TRIM61: variants seen among roughly 807,000 people sequenced by gnomAD.
TRIM61 encodes the protein putative tripartite motif-containing protein 61.
Under a neutral mutation model 14.2 loss-of-function variants are expected in TRIM61, and 1 was observed. The ratio of observed to expected loss-of-function variants is 0.07; its 90% CI spans 0.03 to 0.33. The LOEUF (loss-of-function observed/expected upper bound fraction) is 0.33, where lower values mean the gene tolerates loss of function less well. TRIM61 is among the 10% of genes least tolerant of loss of function. TRIM61 has a pLI of 0.99. For missense variants in TRIM61, 19 were observed against 202.2 expected (o/e 0.09, Z 5.49); for synonymous variants, 8 against 71.6 (o/e 0.11, Z 4.49).
chr4:164,966,951 G>C (rs1732256922), intron 3 of TRIM61, among the ~76,000 whole-genome samples: 1 of 151,860 alleles, frequency 6.6e-6, no homozygotes, highest in Admixed American at 6.6e-5. Context: ...AATAAAAAGA[G>C]AAAAATGATC....
chr4:164,976,065 G>C (rs1191971567), intron 2 of TRIM61, among the ~76,000 whole-genome samples: 1 of 152,168 alleles, frequency 6.6e-6, no homozygotes. Flanking sequence ...TTACGTGCAC[G>C]TCCAGTCATA....
chr4:164,961,621 C>T (rs1342918794), intron 3 of TRIM61, among the ~76,000 whole-genome samples: 4 of 150,470 alleles, frequency 2.7e-5, no homozygotes, highest in Non-Finnish European at 5.9e-5. Flanking sequence ...AATTTAGTTA[C>T]AGACATGAAA....
intron 3 of TRIM61, chr4:164,957,686 G>A (rs1732044264): frequency 1.4e-6 from 1 of 690,676 alleles, no homozygotes; most frequent in Non-Finnish European, 2.3e-6. Context: ...TGCTTTATTC[G>A]GAAAATGAAT....
chr4:164,975,822 G>A (rs1323001223), intron 2 of TRIM61, among the ~76,000 whole-genome samples: 6 of 152,200 alleles, frequency 3.9e-5, no homozygotes, highest in Non-Finnish European at 8.8e-5. Flanking sequence ...CTGTGCTGAG[G>A]TGAATTAGTA....
Position 164,975,404 on chromosome 4 carries a change from G to T in TRIM61, c.-338+1284C>A, listed in dbSNP as rs187462968. On this transcript the variant is annotated intron_variant, in intron 2 of 4. Transcript: ENST00000329314. ...AAGAAAGAGATCAGACTGTCACTGT[G>T]TGTCTATGCAGAAAGGGAAGACGTA... 2.0e-5 allele frequency among the ~76,000 whole-genome samples: 3 copies of T among 152,270 alleles called. No individual in the cohort carries two copies. The East Asian group carries it at 5.8e-4, about 29-fold the overall frequency.
At chr4:164,969,001 A>G in intron 3 of TRIM61, 1 of 1,034,268 alleles carries the variant, frequency 9.7e-7, no homozygotes, top group Non-Finnish European at 1.2e-6. Context: ...CTGGGAGGAG[A>G]TAAAATCTTC....
intron 3 of TRIM61, among the ~76,000 whole-genome samples, chr4:164,966,909 A>G (rs1257491059): frequency 6.6e-6 from 1 of 152,118 alleles, no homozygotes; most frequent in Non-Finnish European, 1.5e-5. Flanking sequence ...TGTGGGTGAC[A>G]GAGCGAGACT....
intron 3 of TRIM61, among the ~76,000 whole-genome samples, chr4:164,956,509 T>A (rs1358139753): frequency 3.9e-5 from 6 of 152,254 alleles, no homozygotes; most frequent in Non-Finnish European, 5.9e-5. Context: ...CTCCTGCCAA[T>A]GGAGTAAATT....
chr4:164,972,008 G>T (rs1472374336), intron 2 of TRIM61, among the ~76,000 whole-genome samples: 3 of 152,116 alleles, frequency 2.0e-5, no homozygotes, highest in Non-Finnish European at 4.4e-5. Context: ...ATTCTCTTTA[G>T]ACTAGCAGAA....
At chr4:164,967,754 C>G (rs576300156) in intron 3 of TRIM61, among the ~76,000 whole-genome samples, 1 of 151,728 alleles carries the variant, frequency 6.6e-6, no homozygotes, top group Non-Finnish European at 1.5e-5. Flanking sequence ...AACCCCAGTG[C>G]TTTGGGAGGC....
At chr4:164,962,433 C>T (rs1313265258) in intron 3 of TRIM61, among the ~76,000 whole-genome samples, 1 of 150,184 alleles carries the variant, frequency 6.7e-6, no homozygotes, top group Non-Finnish European at 1.5e-5. Flanking sequence ...TTATTAGAGA[C>T]GGGGTTTCAC....
intron 3 of TRIM61, chr4:164,957,528 G>GGACATCT (rs1560882031): frequency 1.9e-6 from 3 of 1,567,348 alleles, no homozygotes; most frequent in South Asian, 2.4e-5. Context: ...AGCTCACAGG[G>GGACATCT]GACATCTGAC....
chr4:164,963,178 G>A (rs944972746), intron 3 of TRIM61, among the ~76,000 whole-genome samples: 8 of 151,898 alleles, frequency 5.3e-5, no homozygotes, highest in South Asian at 2.1e-4. Flanking sequence ...GGGCTGCCGT[G>A]GGCTGTGATT....
In TRIM61 at chr4:164,976,842, G is replaced by C. The variant is rs372055837; in HGVS notation, c.-475-17C>G. ...GAACCTATGCTTTAAGGAAAACAAAGCAAAAAGATCCATTAAGATCTAGTC... is the reference window on the plus strand; with the variant it reads ...GAACCTATGCTTTAAGGAAAACAAACCAAAAAGATCCATTAAGATCTAGTC... On this transcript the variant is annotated splice_polypyrimidine_tract_variant and intron_variant, in intron 1 of 4. Coordinates refer to ENST00000329314, the MANE Select transcript of TRIM61 (RefSeq NM_001012414.3). 2 of 152,230 alleles carry C rather than the reference G, an allele frequency of 1.3e-5. No homozygotes were observed. The highest frequency in any genetic ancestry group is 4.8e-5 in the African/African-American group (2 of 41,540). 9.4% of individuals were successfully genotyped at this position (152,230 alleles called of 1,614,324 possible).
chr4:164,961,472 G>C (rs1732135089), intron 3 of TRIM61, among the ~76,000 whole-genome samples: 1 of 151,414 alleles, frequency 6.6e-6, no homozygotes, highest in South Asian at 2.1e-4. Flanking sequence ...TAGAACTGTG[G>C]GACAGTATCA....
intron 2 of TRIM61, among the ~76,000 whole-genome samples, chr4:164,971,998 A>C (rs141188452): frequency 1.8e-3 from 276 of 152,308 alleles, no homozygotes; most frequent in African/African-American, 6.4e-3. Context: ...TTTACTATAC[A>C]TTCTCTTTAG....
intron 3 of TRIM61, among the ~76,000 whole-genome samples, chr4:164,960,287 G>A (rs891432455): frequency 6.6e-6 from 1 of 152,080 alleles, no homozygotes; most frequent in African/African-American, 2.4e-5. Context: ...GTTCATGCTT[G>A]TAATCCCATC....
At chr4:164,959,145 T>C (rs2111133161) in intron 3 of TRIM61, 1 of 167,190 alleles carries the variant, frequency 6.0e-6, no homozygotes, top group Non-Finnish European at 1.5e-5. Context: ...TCTGTTTATC[T>C]CTTTCAGCCC....
At position 164,957,472 on chromosome 4, in the gene TRIM61, C is replaced by G. The variant is rs752761911; in HGVS notation, c.526-2376G>C. On this transcript the variant is annotated intron_variant, in intron 3 of 4. Coordinates refer to ENST00000329314, the MANE Select transcript of TRIM61 (RefSeq NM_001012414.3). ...GGTTTGGGTCTGCAGTGGGCTGGCT[C>G]CCGCTGGGCTCACCTGTCCTATAGA... 10 of 1,613,414 alleles carry G rather than the reference C, an allele frequency of 6.2e-6. No individual in the cohort carries two copies. The South Asian group carries it at 8.8e-5, about 14-fold the overall frequency.
Sources: allele counts gnomAD v4.1 joint callset (sites outside exome capture counted in the v4.1 genomes callset), GRCh38; gene constraint gnomAD v4.1.1; transcripts MANE v1.5; gene names NCBI Gene and HGNC (gene_info 2026-07-23, HGNC 2026-07-21).